The following DPF1 variants were observed in gnomAD, a reference collection of about 807,000 sequenced individuals.
The protein encoded by DPF1 is zinc finger protein neuro-d4.
In DPF1, 14 loss-of-function variants were observed where a neutral mutation model predicts 58.7. That is an observed-to-expected ratio of 0.24 (90% confidence interval 0.16 to 0.37). The LOEUF is 0.37. Ranked by LOEUF, DPF1 falls within the 10% of genes least tolerant of loss-of-function variation. The probability of loss-of-function intolerance (pLI) is 1.00; values close to 1 mark genes in which losing one functional copy is unlikely to be tolerated. For missense variants in DPF1, 345 were observed against 529.9 expected, an observed-to-expected ratio of 0.65 and a Z score of 3.43; for synonymous variants, 216 against 216.0, an observed-to-expected ratio of 1.00 and a Z score of 0.00.
At chr19:38,226,525 CACACACACACACACT>C (rs1967829978), upstream of DPF1, among the ~76,000 whole-genome samples, 1 of 150,748 alleles carries the variant, frequency 6.6e-6, no homozygotes, top group Admixed American at 6.6e-5. Flanking sequence ...CACACACACA[CACACACACACACACT>C]CCTCTAGTCT....
chr19:38,213,520 T>C, intron 10 of DPF1, 124 bp downstream of exon 10: 3 of 791,538 alleles, frequency 3.8e-6, no homozygotes, highest in African/African-American at 1.7e-5. Flanking sequence ...ACCGGCATAA[T>C]GATAACACAG....
At chr19:38,217,946 G>A in intron 5 of DPF1, 70 bp from the exon 6 acceptor site, 3 of 1,530,356 alleles carry the variant, frequency 2.0e-6, no homozygotes, top group Non-Finnish European at 2.7e-6. Context: ...GCTCACACCT[G>A]TAATCCCAGC....
chr19:38,217,333 G>T (rs1025554927), intron 7 of DPF1, 127 bp downstream of exon 7: 3 of 1,313,212 alleles, frequency 2.3e-6, no homozygotes, highest in African/African-American at 3.0e-5. Flanking sequence ...TGGTCGGTGG[G>T]GGGAGGGAAC....
intron 5 of DPF1, 53 bp from the exon 6 acceptor site, chr19:38,217,929 C>T (rs549483824): frequency 2.3e-5 from 36 of 1,586,044 alleles, no homozygotes; most frequent in Middle Eastern, 1.7e-4. Flanking sequence ...ACAGGCCAGG[C>T]GTGGTGGCTC....
rs2146097802 is a variant in DPF1 at position 38,211,583 on chromosome 19, T to A, written c.*480A>T. 1.3e-5 allele frequency: 2 copies of A among 152,462 alleles called. No individual in the cohort carries two copies. Among genetic ancestry groups the A allele is most frequent in the Admixed American group, 1.3e-4 (2 of 15,350 alleles). 9.4% of individuals were successfully genotyped at this position (152,462 alleles called of 1,614,324 possible). A position where few individuals can be genotyped will look rare whatever the true frequency, so the allele number is the denominator to read the frequency against. ...CGGCTGCAGCTCCAGAAATTGGGGT[T>A]GGGGCGCCCGGCGGGGGGCCGGCAG... On this transcript the variant is annotated 3_prime_UTR_variant, in exon 12 of 12. Transcript: ENST00000355526. The surrounding 1 kb of genome is among the most constrained non-coding windows in gnomAD (Gnocchi z 4.0).
chr19:38,227,282 T>C (rs112480484), upstream of DPF1, among the ~76,000 whole-genome samples: 1 of 152,196 alleles, frequency 6.6e-6, no homozygotes, highest in African/African-American at 2.4e-5. Flanking sequence ...GTCCCTGTGT[T>C]GGCCAGGCTA....
At chr19:38,219,549 A>G (rs1967295716) in intron 3 of DPF1, 1 of 154,452 alleles carries the variant, frequency 6.5e-6, no homozygotes, top group Non-Finnish European at 1.4e-5. Context: ...CAGTGGCGCA[A>G]TCTCAGCTCA....
chr19:38,222,843 TC>T lies in DPF1; in HGVS notation c.30-136del. The T allele has an allele frequency of 1.6e-6, 2 of 1,244,048 alleles. No individual in the cohort carries two copies. The highest frequency in any genetic ancestry group is 2.1e-6 in the Non-Finnish European group (2 of 948,470). The allele number at this position is 1,244,048 out of a possible 1,614,324, so 77.1% of individuals were successfully genotyped here. A position where few individuals can be genotyped will look rare whatever the true frequency, so the allele number is the denominator to read the frequency against. ...GACCCCTCCAGCCTCACCTCTCCCCTCCTCCCACTCCGGGACCCAGGCTGGG... is the reference window on the plus strand; with the variant it reads ...GACCCCTCCAGCCTCACCTCTCCCCTCTCCCACTCCGGGACCCAGGCTGGG... On this transcript the variant is annotated intron_variant, in intron 1 of 11. Coordinates refer to ENST00000355526, the MANE Select transcript of DPF1 (RefSeq NM_001135155.3). The surrounding 1 kb of genome is among the most constrained non-coding windows in gnomAD (Gnocchi z 4.9).
Position 38,217,564 on chromosome 19 carries a change from G to C in DPF1, c.623C>G (p.Pro208Arg), listed in dbSNP as rs748689849. The C allele has an allele frequency of 6.4e-7, 1 of 1,551,340 alleles. No individual in the cohort carries two copies. Among genetic ancestry groups the C allele is most frequent in the Non-Finnish European group, 8.7e-7 (1 of 1,146,830 alleles). Residue 208 changes from proline (P) to arginine (R), a missense_variant, in exon 7 of 12, where the codon CCG becomes CGG. Physicochemically the swap from Pro to Arg is moderately radical, Grantham distance 103 (BLOSUM62 -2). Transcript: ENST00000355526. ...GTGGGTGTAGTGGTAGCTGAGCCCC[G>C]GCCGGTTCTTATACCGTTTCCCACA... ...DICGKRYKNR[P>R]GLSYHYTHTH...
chr19:38,224,290 C>G, upstream of DPF1: 1 of 1,262,334 alleles, frequency 7.9e-7, no homozygotes, highest in Non-Finnish European at 1.0e-6. This position sits in a 1 kb window ranked among gnomAD's most constrained non-coding sequence, Gnocchi z 4.5. Flanking sequence ...CGGGCCCGCC[C>G]GGGCCATGCT....
At position 38,219,056 on chromosome 19, in the gene DPF1, A is replaced by G; in HGVS notation, c.301T>C (p.Cys101Arg). ...RLRPCEYKID[C>R]EAPLKKEGGL... The stretch of plus-strand genomic sequence containing the variant: ...CCCTCCTTCTTCAGGGGTGCTTCAC[A>G]GTCTGGGGACAGGGCCATGGGGGGG... The change falls in exon 4 of 12, where the codon TGT (cysteine) becomes CGT (arginine). Residue 101 changes from cysteine (C) to arginine (R), a missense_variant and splice_region_variant. Cys to Arg is a radical substitution (Grantham distance 180). Coordinates refer to ENST00000355526, the MANE Select transcript of DPF1 (RefSeq NM_001135155.3). 1 of 1,613,940 alleles carries G rather than the reference A, an allele frequency of 6.2e-7. No individual in the cohort carries two copies. Among genetic ancestry groups the G allele is most frequent in the Non-Finnish European group, 8.5e-7 (1 of 1,180,006 alleles).
Position 38,211,286 on chromosome 19 carries a change from GGA to G in DPF1, c.*775_*776del, listed in dbSNP as rs1973394996. On this transcript the variant is annotated 3_prime_UTR_variant, in exon 12 of 12. Coordinates refer to ENST00000355526, the MANE Select transcript of DPF1 (RefSeq NM_001135155.3). The surrounding 1 kb of genome is among the most constrained non-coding windows in gnomAD (Gnocchi z 4.0). ...GCCAGGCCTGGCGGGGCGGGAGGAGGGAGAGAAAAGGAGTCCGTGGCGGAGTC... is the reference window on the plus strand; with the variant it reads ...GCCAGGCCTGGCGGGGCGGGAGGAGGGAGAAAAGGAGTCCGTGGCGGAGTC... 1 of 152,102 alleles carries G rather than the reference GGA, an allele frequency of 6.6e-6. No homozygotes were observed. The highest frequency in any genetic ancestry group is 6.5e-5 in the Admixed American group (1 of 15,274). The allele number at this position is 152,102 out of a possible 1,614,324, so 9.4% of individuals were successfully genotyped here.
In DPF1 at chr19:38,213,233, C is replaced by T. The variant is rs192001816; in HGVS notation, c.1011+411G>A. Among the ~76,000 whole-genome samples, 59 of 152,262 alleles carry T rather than the reference C, an allele frequency of 3.9e-4. 1 individual carries two copies. The highest frequency in any genetic ancestry group is 1.4e-3 in the African/African-American group (57 of 41,552). On this transcript the variant is annotated intron_variant, in intron 10 of 11. Transcript: ENST00000355526. ...CAGGTGGTCCACCCACCTCAGCCTCCCAGAGTGCTGGGATTCCAGGCGTGA... is the reference window on the plus strand; with the variant it reads ...CAGGTGGTCCACCCACCTCAGCCTCTCAGAGTGCTGGGATTCCAGGCGTGA...
intron 3 of DPF1, among the ~76,000 whole-genome samples, chr19:38,220,294 G>GAGAGAAAGAA (rs951030577): frequency 6.8e-6 from 1 of 146,636 alleles, no homozygotes; most frequent in Admixed American, 6.8e-5. Flanking sequence ...AAAAGAGAGA[G>GAGAGAAAGAA]AGAGAAAGAA....
upstream of DPF1, among the ~76,000 whole-genome samples, chr19:38,227,770 C>A (rs1967890258): frequency 6.6e-6 from 1 of 152,180 alleles, no homozygotes; most frequent in South Asian, 2.1e-4. Context: ...GTGGCTCAAG[C>A]TGGTTTTGGA....
chr19:38,221,441 G>C (rs1967465039), intron 3 of DPF1, among the ~76,000 whole-genome samples: 2 of 151,968 alleles, frequency 1.3e-5, no homozygotes, highest in South Asian at 4.1e-4. Flanking sequence ...TCAGGAGGCT[G>C]AGACAGGAGA....
chr19:38,222,801 C>A lies in DPF1; in HGVS notation c.30-93G>T. 1 of 1,417,182 alleles carries A rather than the reference C, an allele frequency of 7.1e-7. No individual in the cohort carries two copies. The highest frequency in any genetic ancestry group is 2.8e-5 in the Admixed American group (1 of 35,212). 87.8% of individuals were successfully genotyped at this position (1,417,182 alleles called of 1,614,324 possible). On this transcript the variant is annotated intron_variant, in intron 1 of 11. Transcript: ENST00000355526. This position sits in a 1 kb window ranked among gnomAD's most constrained non-coding sequence, Gnocchi z 4.9. ...TTCCCCGGCTGCCGGGCCGCCCAGG[C>A]TCGGGAGGGGTGGGCCGACCCCTCC...
At chr19:38,226,975 C>A (rs1308560474), upstream of DPF1, among the ~76,000 whole-genome samples, 1 of 138,312 alleles carries the variant, frequency 7.2e-6, no homozygotes, top group South Asian at 2.3e-4. Context: ...TCTTTCTTTT[C>A]TTTTCTTCTT....
chr19:38,219,287 A>G, intron 3 of DPF1: 1 of 580,926 alleles, frequency 1.7e-6, no homozygotes, highest in Non-Finnish European at 3.0e-6. Flanking sequence ...GATACACCAG[A>G]AAGCCTCAGA....
Sources: allele counts gnomAD v4.1 joint callset (sites outside exome capture counted in the v4.1 genomes callset), GRCh38; gene constraint gnomAD v4.1.1; non-coding constraint Gnocchi (gnomAD v3.1); transcripts MANE v1.5; gene names NCBI Gene and HGNC (gene_info 2026-07-23, HGNC 2026-07-21).